EYS: variants seen among roughly 807,000 people sequenced by gnomAD.
The protein encoded by EYS is EGF-like photoreceptor maintenance factor, also known as protein eyes shut homolog.
EYS carries 250 observed loss-of-function variants against 282.1 expected under a neutral mutation model. The ratio of observed to expected loss-of-function variants is 0.89; its 90% CI spans 0.80 to 0.98. EYS has a LOEUF of 0.98. Among genes scored for constraint, EYS ranks in the 50% least tolerant of loss-of-function variants. The pLI is 0.00. For missense variants in EYS, 4,016 were observed against 3,709.0 expected (o/e 1.08, Z -2.15); for synonymous variants, 1,355 against 1,282.9 (o/e 1.06, Z -1.20).
Position 63,721,753 on chromosome 6 carries a change from G to C in EYS, c.8278C>G (p.Arg2760Gly). 1 of 1,550,908 alleles carries C rather than the reference G, an allele frequency of 6.4e-7. No homozygotes were observed. The highest frequency in any genetic ancestry group is 8.7e-7 in the Non-Finnish European group (1 of 1,146,386). ...ATAGTTCTGTCGCCAAGGTTGTAGC[G>C]AAGTTGAACGGAACTATTTACTAAA... ...ISLVNSSVQLRYNLGDRTIIL... is the reference protein window; with the variant it reads ...ISLVNSSVQLGYNLGDRTIIL... Residue 2760 changes from arginine to glycine, a missense_variant, in exon 43 of 43, where the codon CGC becomes GGC. Physicochemically the swap from Arg to Gly is moderately radical, Grantham distance 125. Transcript: ENST00000503581.
chr6:64,650,271 C>G (rs1310499915), intron 22 of EYS, among the ~76,000 whole-genome samples: 1 of 151,584 alleles, frequency 6.6e-6, no homozygotes, highest in African/African-American at 2.4e-5. Flanking sequence ...CTTTAAGTAG[C>G]TACAAAATGA....
intron 12 of EYS, among the ~76,000 whole-genome samples, chr6:65,142,165 G>T (rs1043591110): frequency 6.6e-6 from 1 of 151,848 alleles, no homozygotes; most frequent in African/African-American, 2.4e-5. Context: ...TAGTATATAC[G>T]TATTTTATAA....
chr6:65,456,942 C>T (rs575953153), intron 5 of EYS, among the ~76,000 whole-genome samples: 21 of 152,196 alleles, frequency 1.4e-4, no homozygotes, highest in African/African-American at 3.9e-4. Context: ...CTGTTGAAGA[C>T]GTTAGTGCTA....
intron 12 of EYS, among the ~76,000 whole-genome samples, chr6:65,093,939 G>T (rs1405232488): frequency 6.6e-6 from 1 of 151,664 alleles, no homozygotes; most frequent in African/African-American, 2.4e-5. Flanking sequence ...GATGGAGAAA[G>T]ATATCCCATG....
intron 10 of EYS, among the ~76,000 whole-genome samples, chr6:65,339,486 G>C (rs1770116928): frequency 6.6e-6 from 1 of 151,094 alleles, no homozygotes; most frequent in Non-Finnish European, 1.5e-5. Context: ...ATTTTTATTA[G>C]TAATTGTTGT....
intron 12 of EYS, among the ~76,000 whole-genome samples, chr6:65,248,751 G>T (rs1767245142): frequency 6.6e-6 from 1 of 151,926 alleles, no homozygotes; most frequent in Non-Finnish European, 1.5e-5. Flanking sequence ...TAGATTTGTT[G>T]TGCATGTACA....
At chr6:64,576,515 A>T (rs1256546872) in intron 26 of EYS, among the ~76,000 whole-genome samples, 1 of 151,998 alleles carries the variant, frequency 6.6e-6, no homozygotes, top group African/African-American at 2.4e-5. Context: ...ACATGTTGAG[A>T]GTGTCTTTGT....
At chr6:64,137,554 A>G (rs1774202551) in intron 31 of EYS, among the ~76,000 whole-genome samples, 1 of 152,110 alleles carries the variant, frequency 6.6e-6, no homozygotes, top group African/African-American at 2.4e-5. Context: ...TAATAGGGTT[A>G]TTATTTTGAA....
chr6:64,243,520 C>T (rs1766906705), intron 30 of EYS, among the ~76,000 whole-genome samples: 1 of 152,104 alleles, frequency 6.6e-6, no homozygotes, highest in African/African-American at 2.4e-5. Flanking sequence ...AAATACCAGA[C>T]AGGGTAAAGA....
At chr6:64,195,022 T>C (rs972797681) in intron 31 of EYS, among the ~76,000 whole-genome samples, 5 of 152,128 alleles carry the variant, frequency 3.3e-5, no homozygotes, top group African/African-American at 1.2e-4. Flanking sequence ...ATTATTTTTA[T>C]ATATTTTAAT....
chr6:63,999,473 G>A (rs1253563880), intron 33 of EYS, among the ~76,000 whole-genome samples: 1 of 151,876 alleles, frequency 6.6e-6, no homozygotes, highest in Admixed American at 6.6e-5. Context: ...ATGTGTATAA[G>A]TAGATATTGA....
rs182720672 is a variant in EYS, at chr6:65,705,496, G to A, written c.-448+1639C>T. On this transcript the variant is annotated intron_variant, in intron 1 of 42. Coordinates refer to ENST00000503581, the MANE Select transcript of EYS (RefSeq NM_001142800.2). ...ATACAGTTTTGTTTTGTTTTTTAAC[G>A]CATTAACTCAATATTTGTTGAATGC... 7.8e-4 allele frequency among the ~76,000 whole-genome samples: 119 copies of A among 152,204 alleles called. 1 individual carries two copies. The highest frequency in any genetic ancestry group is 1.6e-3 in the Non-Finnish European group (107 of 67,986).
chr6:63,777,950 T>A, intron 40 of EYS, 56 bp downstream of exon 40: 1 of 1,432,952 alleles, frequency 7.0e-7, no homozygotes, highest in South Asian at 1.2e-5. Flanking sequence ...CAGAGTGGAG[T>A]ACCAGTTAGA....
intron 26 of EYS, among the ~76,000 whole-genome samples, chr6:64,493,538 T>C (rs1199842180): frequency 6.6e-6 from 1 of 151,534 alleles, no homozygotes; most frequent in African/African-American, 2.4e-5. Flanking sequence ...TTTCAGAATT[T>C]TTCTAACCTC....
chr6:64,720,352 G>C (rs1771538343), intron 22 of EYS, among the ~76,000 whole-genome samples: 1 of 152,042 alleles, frequency 6.6e-6, no homozygotes, highest in Non-Finnish European at 1.5e-5. Flanking sequence ...GATTATCCAG[G>C]ACAATCTCCC....
At chr6:65,345,100 CTACCGTGTGAATATT>C (rs1340247105) in intron 9 of EYS, among the ~76,000 whole-genome samples, 3 of 151,676 alleles carry the variant, frequency 2.0e-5, no homozygotes, top group East Asian at 3.9e-4. Context: ...TGACATCTCC[CTACCGTGTGAATATT>C]TCACCAAGAA....
At chr6:65,031,169 G>GCA (rs1174650965) in intron 13 of EYS, among the ~76,000 whole-genome samples, 4 of 126,828 alleles carry the variant, frequency 3.2e-5, no homozygotes, top group Non-Finnish European at 6.6e-5. Context: ...ACACACACAC[G>GCA]CACATACACA....
At chr6:64,151,979 C>T (rs1161305196) in intron 31 of EYS, among the ~76,000 whole-genome samples, 1 of 152,024 alleles carries the variant, frequency 6.6e-6, no homozygotes, top group African/African-American at 2.4e-5. Context: ...TTTCTTTGAG[C>T]ACTGCCTTTC....
At chr6:64,961,341 G>GTA (rs989555289) in intron 14 of EYS, among the ~76,000 whole-genome samples, 1 of 152,000 alleles carries the variant, frequency 6.6e-6, no homozygotes, top group African/African-American at 2.4e-5. Context: ...ATCTGTTGTT[G>GTA]TAAACTATTA....
Sources: allele counts gnomAD v4.1 joint callset (sites outside exome capture counted in the v4.1 genomes callset), GRCh38; gene constraint gnomAD v4.1.1; transcripts MANE v1.5; gene names NCBI Gene and HGNC (gene_info 2026-07-23, HGNC 2026-07-21).